The following MAMLD1 variants were observed in gnomAD, a reference collection of about 807,000 sequenced individuals.
MAMLD1 encodes the protein mastermind like domain containing 1.
In MAMLD1, 14 loss-of-function variants were observed where a neutral mutation model predicts 45.0. That is an observed-to-expected ratio of 0.31 (90% CI 0.21 to 0.49). The LOEUF is 0.49. Among genes scored for constraint, MAMLD1 ranks in the 20% least tolerant of loss-of-function variants. The probability of loss-of-function intolerance (pLI) is 0.99; values close to 1 mark genes in which losing one functional copy is unlikely to be tolerated. For synonymous variants in MAMLD1, 254 were observed against 247.8 expected, an observed-to-expected ratio of 1.02 and a Z score of -0.24; for missense variants, 543 against 603.6, an observed-to-expected ratio of 0.90 and a Z score of 1.05.
At chrX:150,369,076 T>A (rs1557400889) in intron 1 of MAMLD1, among the ~76,000 whole-genome samples, 1 of 112,504 alleles carries the variant, frequency 8.9e-6, no homozygotes, top group Non-Finnish European at 1.9e-5. Flanking sequence ...AACTTTAAAG[T>A]AGTTTTTTCC....
At chrX:150,489,084 A>C (rs1282546335) in intron 5 of MAMLD1, among the ~76,000 whole-genome samples, 1 of 112,423 alleles carries the variant, frequency 8.9e-6, no homozygotes, top group Admixed American at 9.4e-5. Flanking sequence ...TATCTAGCCC[A>C]AGAAATCTAC....
chrX:150,410,752 G>A (rs1171912998), intron 1 of MAMLD1, among the ~76,000 whole-genome samples: 1 of 111,936 alleles, frequency 8.9e-6, no homozygotes, highest in African/African-American at 3.2e-5. Flanking sequence ...ACACAGAGAG[G>A]TTGAATATCT....
At chrX:150,456,961 AAG>A (rs1291930693) in intron 2 of MAMLD1, among the ~76,000 whole-genome samples, 1 of 112,636 alleles carries the variant, frequency 8.9e-6, no homozygotes, top group Non-Finnish European at 1.9e-5. Flanking sequence ...CCCAGCCAGG[AAG>A]AGAGTGCAAT....
intron 1 of MAMLD1, among the ~76,000 whole-genome samples, chrX:150,414,254 A>G (rs1216210722): frequency 9.0e-6 from 1 of 111,392 alleles, no homozygotes; most frequent in Non-Finnish European, 1.9e-5. Context: ...AGAGCTCATT[A>G]GGAGTAGCTT....
chrX:150,493,300 G>T (rs1206172277), intron 5 of MAMLD1, among the ~76,000 whole-genome samples: 1 of 111,536 alleles, frequency 9.0e-6, no homozygotes, highest in Non-Finnish European at 1.9e-5. Context: ...AAGGAGCGTG[G>T]TTTGCTGCAG....
intron 1 of MAMLD1, among the ~76,000 whole-genome samples, chrX:150,388,767 G>C (rs1218938868): frequency 3.6e-5 from 4 of 111,344 alleles, no homozygotes; most frequent in African/African-American, 1.3e-4. Flanking sequence ...AAAAAAACTA[G>C]CTTTTTGCTT....
chrX:150,382,351 C>T (rs1557401722), intron 1 of MAMLD1, among the ~76,000 whole-genome samples: 1 of 111,545 alleles, frequency 9.0e-6, no homozygotes, highest in East Asian at 2.8e-4. Flanking sequence ...ATGTGTCTAT[C>T]CCTCTGCCAA....
At chrX:150,403,068 T>C (rs899372739) in intron 1 of MAMLD1, among the ~76,000 whole-genome samples, 11 of 108,949 alleles carry the variant, frequency 1.0e-4, no homozygotes, top group African/African-American at 3.7e-4. Flanking sequence ...ACTTAAAGTA[T>C]AGTAATAAAA....
intron 1 of MAMLD1, among the ~76,000 whole-genome samples, chrX:150,388,625 T>G (rs1329797704): frequency 4.5e-5 from 5 of 112,023 alleles, no homozygotes; most frequent in Non-Finnish European, 9.4e-5. Context: ...TGTGTAGAGT[T>G]TTTGGTAATA....
In MAMLD1 at chrX:150,363,542, G is replaced by C. The variant is rs2031139628; in HGVS notation, c.-64+12G>C. The C allele has an allele frequency of 9.0e-6, 1 of 110,725 alleles. No homozygotes were observed. The highest frequency in any genetic ancestry group is 2.9e-4 in the East Asian group (1 of 3,507). 9.1% of individuals were successfully genotyped at this position (110,725 alleles called of 1,213,427 possible). A position where few individuals can be genotyped will look rare whatever the true frequency, so the allele number is the denominator to read the frequency against. On this transcript the variant is annotated intron_variant, in intron 1 of 7. Transcript: ENST00000370401. ...AGCTCTGCAGCACGGTAAGGCTGAG[G>C]GCGGGTGCAGGAAGTCTGACTGTTC... is the stretch of plus-strand genomic sequence containing the variant.
chrX:150,463,955 G>A (rs2036134721), intron 3 of MAMLD1, among the ~76,000 whole-genome samples: 1 of 111,946 alleles, frequency 8.9e-6, no homozygotes, highest in Admixed American at 9.4e-5. Flanking sequence ...AAGCAACAGA[G>A]GCCCAACACG....
chrX:150,431,196 A>G (rs1602777816), intron 1 of MAMLD1, among the ~76,000 whole-genome samples: 2 of 111,745 alleles, frequency 1.8e-5, no homozygotes, highest in South Asian at 7.4e-4. Context: ...GAGCAATAGT[A>G]TATGGTATTG....
At chrX:150,364,417 G>C (rs1042891329) in intron 1 of MAMLD1, among the ~76,000 whole-genome samples, 3 of 112,989 alleles carry the variant, frequency 2.7e-5, no homozygotes, top group Non-Finnish European at 5.6e-5. Flanking sequence ...CAGAAAGCTC[G>C]GCCCTGAAGC....
At chrX:150,398,337 A>AGAAGAAGAAGAAGAG (rs2033588884) in intron 1 of MAMLD1, among the ~76,000 whole-genome samples, 16 of 52,285 alleles carry the variant, frequency 3.1e-4, no homozygotes, top group South Asian at 8.8e-4. Context: ...AAGAAGAAGA[A>AGAAGAAGAAGAAGAG]GAAGAGGAAG....
chrX:150,398,228 G>T (rs2033507251), intron 1 of MAMLD1, among the ~76,000 whole-genome samples: 1 of 94,474 alleles, frequency 1.1e-5, no homozygotes. Context: ...ACAGAGAGAG[G>T]AGAAGAAGGA....
rs781793508 is a variant in MAMLD1 at position 150,471,030 on chromosome X, C to A, written c.1457C>A (p.Thr486Asn). The A allele has an allele frequency of 8.3e-6, 10 of 1,210,261 alleles. No homozygotes were observed. In the Admixed American group the frequency reaches 2.2e-4, roughly 26 times the overall value. ...QCSLIRSLTP[T>N]SNLLSQQQQQ... Reference sequence around the variant, plus strand: ...TCCCTGATCCGAAGCCTCACTCCCACCAGTAATCTTCTAAGCCAGCAACAG... The same window carrying A: ...TCCCTGATCCGAAGCCTCACTCCCAACAGTAATCTTCTAAGCCAGCAACAG... The change falls in exon 4 of 8, where the codon ACC becomes AAC. Residue 486 changes from threonine (T) to asparagine (N), a missense_variant. Thr to Asn is a moderately conservative substitution (Grantham distance 65, BLOSUM62 0). Transcript: ENST00000370401.
intron 1 of MAMLD1, among the ~76,000 whole-genome samples, chrX:150,408,666 C>T (rs2034053050): frequency 8.9e-6 from 1 of 111,916 alleles, no homozygotes; most frequent in South Asian, 3.7e-4. Context: ...TACTTGAGTC[C>T]AAATGTTGGC....
Position 150,471,193 on chromosome X carries a change from C to T in MAMLD1, c.1620C>T (p.Gly540=). 8.2e-7 allele frequency: 1 copy of T among 1,212,124 alleles called. No homozygotes were observed. The highest frequency in any genetic ancestry group is 3.0e-5 in the East Asian group (1 of 33,854). Residue 540 remains glycine, a synonymous_variant, in exon 4 of 8, where the codon GGC becomes GGT. Transcript: ENST00000370401. ...GAGCCACGGAGCCATTTACTTTTGG[C>T]AACACCAAGCCCTTGTCCCATTTTG... is the stretch of plus-strand genomic sequence containing the variant. The part of the protein sequence containing the change: ...SPGATEPFTF[G]NTKPLSHFVS...
intron 1 of MAMLD1, among the ~76,000 whole-genome samples, chrX:150,439,728 A>G (rs2035234005): frequency 9.0e-6 from 1 of 111,691 alleles, no homozygotes; most frequent in African/African-American, 3.3e-5. Context: ...TGAGGTCAGG[A>G]GTTCCAGACC....
Sources: allele counts gnomAD v4.1 joint callset (sites outside exome capture counted in the v4.1 genomes callset), GRCh38; gene constraint gnomAD v4.1.1; transcripts MANE v1.5; gene names NCBI Gene and HGNC (gene_info 2026-07-23, HGNC 2026-07-21).